The following TAF5L variants were observed in gnomAD, a reference collection of about 807,000 sequenced individuals.
TAF5L encodes the protein TATA-box binding protein associated factor 5 like, also known as TAF5-like RNA polymerase II p300/CBP-associated factor-associated factor 65 kDa subunit 5L.
TAF5L carries 7 observed loss-of-function variants against 51.3 expected under a neutral mutation model. That is an observed-to-expected ratio of 0.14 (90% CI 0.08 to 0.26). TAF5L has a LOEUF of 0.26. Among genes scored for constraint, TAF5L ranks in the 10% least tolerant of loss-of-function variants. The pLI, the probability that TAF5L is intolerant of heterozygous loss-of-function variation, is 1.00. For missense variants in TAF5L, 575 were observed against 758.9 expected (o/e 0.76, Z 2.85); for synonymous variants, 291 against 308.1 (o/e 0.94, Z 0.58).
chr1:229,614,792 C>G (rs1664915144), intron 1 of TAF5L, among the ~76,000 whole-genome samples: 1 of 152,196 alleles, frequency 6.6e-6, no homozygotes, highest in Admixed American at 6.5e-5. Context: ...CCCCATGAAA[C>G]TTTTCATTAG....
rs1476631139 is a variant in TAF5L at position 229,625,256 on chromosome 1, G to A, written c.-4+629C>T. The stretch of plus-strand genomic sequence containing the variant: ...AAGCCTGGCAGCTTCGCGAGCTGGA[G>A]GTGGTGAACCCGTCCCACACCATGG... On this transcript the variant is annotated intron_variant, in intron 1 of 4. Coordinates refer to ENST00000258281, the Ensembl canonical transcript of TAF5L. The surrounding 1 kb of genome is among the most constrained non-coding windows in gnomAD (Gnocchi z 4.0). Among the ~76,000 whole-genome samples the A allele has an allele frequency of 6.6e-6, 1 of 152,150 alleles. No homozygotes were observed. The highest frequency in any genetic ancestry group is 1.5e-5 in the Non-Finnish European group (1 of 68,036).
chr1:229,605,115 T>C (rs1431451455), intron 3 of TAF5L, among the ~76,000 whole-genome samples: 2 of 151,256 alleles, frequency 1.3e-5, no homozygotes, highest in African/African-American at 4.9e-5. Flanking sequence ...TATGTATATA[T>C]ATATATATAT....
rs1270787906 is a variant in TAF5L, at chr1:229,602,586, T to C, written c.581A>G (p.His194Arg). Residue 194 changes from histidine to arginine, a missense_variant, in exon 4 of 5, where the codon CAT becomes CGT. His to Arg is a conservative substitution (Grantham distance 29, BLOSUM62 0). Coordinates refer to ENST00000258281, the Ensembl canonical transcript of TAF5L. The surrounding 1 kb of genome is among the most constrained non-coding windows in gnomAD (Gnocchi z 4.6). ...GGCAGGCTGCACGTCAAGATGAATA[T>C]GTAAGGTGAGGACTTTGCACAGGGC... 2.5e-6 allele frequency: 4 copies of C among 1,614,068 alleles called. No individual in the cohort carries two copies. Among genetic ancestry groups the C allele is most frequent in the East Asian group, 4.5e-5 (2 of 44,894 alleles).
rs1049607549 is a variant in TAF5L, at chr1:229,613,346, A to AG, written c.142+994_142+995insC. ...CTCTGTCTCAAAAAAAAAAAAAAAA[A>AG]AAGAAGAAAGAAGAAGAAGAAGAAG... On this transcript the variant is annotated intron_variant, in intron 2 of 4. Coordinates refer to ENST00000258281, the Ensembl canonical transcript of TAF5L. Among the ~76,000 whole-genome samples the AG allele has an allele frequency of 2.6e-5, 4 of 151,224 alleles. No individual in the cohort carries two copies. The East Asian group carries it at 5.8e-4, about 22-fold the overall frequency.
chr1:229,598,206 G>GT (rs750326806), intron 4 of TAF5L, among the ~76,000 whole-genome samples: 4 of 152,174 alleles, frequency 2.6e-5, no homozygotes, highest in Non-Finnish European at 5.9e-5. Flanking sequence ...AGAGATGTAT[G>GT]TAACAGGTTT....
intron 1 of TAF5L, 108 bp from the exon 2 acceptor site, chr1:229,614,593 C>T: frequency 6.9e-7 from 1 of 1,443,678 alleles, no homozygotes. Flanking sequence ...GAAAGACCAG[C>T]CATGTGGCTA....
intron 4 of TAF5L, among the ~76,000 whole-genome samples, chr1:229,597,459 C>T (rs1374692824): frequency 6.6e-6 from 1 of 152,216 alleles, no homozygotes; most frequent in Non-Finnish European, 1.5e-5. Flanking sequence ...CAGAATGTTC[C>T]TGTTGGCTAT....
intron 1 of TAF5L, among the ~76,000 whole-genome samples, chr1:229,619,123 C>T (rs913190186): frequency 1.3e-5 from 2 of 152,090 alleles, no homozygotes; most frequent in African/African-American, 4.8e-5. Context: ...TATTAGTTCT[C>T]TTCACTCACA....
chr1:229,611,465 T>C (rs1433261817), intron 2 of TAF5L, among the ~76,000 whole-genome samples: 1 of 151,916 alleles, frequency 6.6e-6, no homozygotes, highest in East Asian at 1.9e-4. Context: ...GAGGGCGCCA[T>C]AACAGGAAAT....
chr1:229,599,607 T>G (rs1050974368), intron 4 of TAF5L: 7 of 172,932 alleles, frequency 4.0e-5, no homozygotes, highest in African/African-American at 1.7e-4. Context: ...GCAGCCTGCA[T>G]CAGTGCTTCA....
chr1:229,622,018 C>CATCT lies in TAF5L; in HGVS notation c.-4+3863_-4+3866dup, dbSNP rs10578192. On this transcript the variant is annotated intron_variant, in intron 1 of 4. Transcript: ENST00000258281. The stretch of plus-strand genomic sequence containing the variant: ...AGCAGAACTTCTTTTCATTCATCAT[C>CATCT]ATCTATCTATCTATCTATCTATCTA... Among the ~76,000 whole-genome samples, 1,246 of 149,034 alleles carry CATCT rather than the reference C, an allele frequency of 8.4e-3. 11 individuals are homozygous for CATCT. The highest frequency in any genetic ancestry group is 0.011 in the African/African-American group (429 of 40,258).
intron 1 of TAF5L, among the ~76,000 whole-genome samples, chr1:229,622,237 G>T (rs943579267): frequency 2.0e-5 from 3 of 151,420 alleles, no homozygotes; most frequent in Non-Finnish European, 4.4e-5. Flanking sequence ...TGGTAAGATT[G>T]AATAAATATC....
Position 229,602,490 on chromosome 1 carries a change from G to A in TAF5L, c.677C>T (p.Pro226Leu). ...CTGCAGAATAGGGCTGGGCATGTCG[G>A]GGGGCTCCAAACCGTTGTTCTCACT... The change falls in exon 4 of 5, where the codon CCC becomes CTC. Residue 226 changes from proline (P) to leucine (L), a missense_variant. Pro to Leu is a moderately conservative substitution (Grantham distance 98). Transcript: ENST00000258281. This position sits in a 1 kb window ranked among gnomAD's most constrained non-coding sequence, Gnocchi z 4.6. 6.2e-7 allele frequency: 1 copy of A among 1,612,452 alleles called. No individual in the cohort carries two copies. Among genetic ancestry groups the A allele is most frequent in the Non-Finnish European group, 8.5e-7 (1 of 1,178,662 alleles).
intron 1 of TAF5L, among the ~76,000 whole-genome samples, chr1:229,623,184 G>T (rs990992150): frequency 4.6e-5 from 7 of 152,336 alleles, no homozygotes; most frequent in Admixed American, 4.6e-4. Context: ...TGAGGCAGGA[G>T]AATCGCTTGA....
intron 3 of TAF5L, among the ~76,000 whole-genome samples, chr1:229,603,288 T>C (rs1291473003): frequency 1.3e-5 from 2 of 152,220 alleles, no homozygotes; most frequent in African/African-American, 4.8e-5. Flanking sequence ...ACCTCAGATA[T>C]CTGAGGGTAC....
chr1:229,605,739 C>T (rs1664570221), intron 3 of TAF5L, among the ~76,000 whole-genome samples: 2 of 152,106 alleles, frequency 1.3e-5, no homozygotes, highest in East Asian at 3.9e-4. Context: ...TAGAAAAAGA[C>T]TTATCTTCCC....
In TAF5L at chr1:229,602,837, G is replaced by A. The variant is rs532187660; in HGVS notation, c.330C>T (p.Asn110=). Residue 110 remains asparagine, a synonymous_variant, in exon 4 of 5, where the codon AAC becomes AAT. Transcript: ENST00000258281. The surrounding 1 kb of genome is among the most constrained non-coding windows in gnomAD (Gnocchi z 4.6). The stretch of plus-strand genomic sequence containing the variant: ...AACTTTCCACTGTGCTCTTCGGACT[G>A]TTTTGGACCAGGTTGAGATGGAGGT... 8.1e-6 allele frequency: 13 copies of A among 1,612,366 alleles called. No homozygotes were observed. The highest frequency in any genetic ancestry group is 3.3e-4 in the Middle Eastern group (2 of 6,084).
intron 2 of TAF5L, 134 bp downstream of exon 2, chr1:229,614,207 G>A (rs758517914): frequency 3.6e-5 from 51 of 1,431,044 alleles, no homozygotes; most frequent in South Asian, 1.5e-4. Flanking sequence ...TTCACTTAAC[G>A]TAGCTCACTG....
At chr1:229,611,223 T>C (rs10916527) in intron 2 of TAF5L, among the ~76,000 whole-genome samples, 79,140 of 151,952 alleles carry the variant, frequency 0.52, 20,932 homozygotes, top group East Asian at 0.77. Flanking sequence ...GGCTGGAGTC[T>C]CAATATTCAG....
Sources: allele counts gnomAD v4.1 joint callset (sites outside exome capture counted in the v4.1 genomes callset), GRCh38; gene constraint gnomAD v4.1.1; non-coding constraint Gnocchi (gnomAD v3.1); transcripts MANE v1.5; gene names NCBI Gene and HGNC (gene_info 2026-07-23, HGNC 2026-07-21).